SNX9: variants seen among roughly 807,000 people sequenced by gnomAD.
The protein encoded by SNX9 is sorting nexin 9.
In SNX9, 44 loss-of-function variants were observed where a neutral mutation model predicts 89.4. The observed-to-expected ratio is 0.49, with a 90% CI of 0.39 to 0.63. The LOEUF (loss-of-function observed/expected upper bound fraction) is 0.63. SNX9 is among the 30% of genes least tolerant of loss of function. The probability of loss-of-function intolerance (pLI) is 0.00; values close to 1 mark genes in which losing one functional copy is unlikely to be tolerated. For synonymous variants in SNX9, 236 were observed against 247.8 expected (o/e 0.95, Z 0.45); for missense variants, 578 against 736.1 (o/e 0.79, Z 2.49).
chr6:157,942,196 T>C (rs1386593409), intron 17 of SNX9, among the ~76,000 whole-genome samples: 1 of 152,186 alleles, frequency 6.6e-6, no homozygotes. Flanking sequence ...TTACTAAAAT[T>C]TGTGTATGTG....
chr6:157,942,814 C>T lies in SNX9; in HGVS notation c.1764C>T (p.Ala588=). The change falls in exon 18 of 18, where the codon GCC becomes GCT. Residue 588 remains alanine (A), a synonymous_variant. Coordinates refer to ENST00000392185, the MANE Select transcript of SNX9 (RefSeq NM_016224.5). The part of the protein sequence containing the change: ...YETIAEKLRQ[A]LSRFPVM ...AGATTGCAGAAAAGCTGAGGCAGGC[C>T]CTCAGCCGCTTTCCAGTGATGTAGG... is the stretch of plus-strand genomic sequence containing the variant. 1.2e-6 allele frequency: 2 copies of T among 1,613,790 alleles called. No individual in the cohort carries two copies. The highest frequency in any genetic ancestry group is 2.2e-5 in the East Asian group (1 of 44,856).
intron 3 of SNX9, chr6:157,874,500 C>T (rs1366983269): frequency 6.6e-6 from 1 of 152,166 alleles, no homozygotes; most frequent in Admixed American, 6.5e-5. Context: ...TATAAAACCC[C>T]CTCTATTAGA....
At chr6:157,921,245 A>G (rs1479853518) in intron 9 of SNX9, among the ~76,000 whole-genome samples, 1 of 152,242 alleles carries the variant, frequency 6.6e-6, no homozygotes, top group Non-Finnish European at 1.5e-5. Context: ...TACTTGAAGA[A>G]AGTAGCACCT....
At chr6:157,940,848 G>A in intron 16 of SNX9, 35 bp from the exon 17 acceptor site, 1 of 1,594,188 alleles carries the variant, frequency 6.3e-7, no homozygotes, top group Non-Finnish European at 8.6e-7. Context: ...GAAAACTTGA[G>A]GGAAAACTGA....
chr6:157,939,121 T>C (rs529078572), intron 16 of SNX9, among the ~76,000 whole-genome samples: 9 of 152,150 alleles, frequency 5.9e-5, no homozygotes, highest in African/African-American at 1.7e-4. Context: ...TGTGTCATTT[T>C]AGGCACAATT....
chr6:157,846,073 G>C (rs12206436), intron 1 of SNX9, among the ~76,000 whole-genome samples: 1 of 152,126 alleles, frequency 6.6e-6, no homozygotes, highest in African/African-American at 2.4e-5. Flanking sequence ...TGTCTCTTAC[G>C]GCCCTCCTGA....
chr6:157,850,712 T>C (rs1309544399), intron 1 of SNX9, among the ~76,000 whole-genome samples: 1 of 152,222 alleles, frequency 6.6e-6, no homozygotes, highest in East Asian at 1.9e-4. Flanking sequence ...CATCTGATAA[T>C]GCTTGGTGAC....
intron 4 of SNX9, among the ~76,000 whole-genome samples, chr6:157,894,106 C>CTTTTCTTTTCT (rs1484938597): frequency 2.0e-3 from 178 of 89,546 alleles, no homozygotes; most frequent in African/African-American, 7.7e-3. Context: ...CTTTTCTTTT[C>CTTTTCTTTTCT]TTTTTTTTTT....
At chr6:157,927,744 T>TG (rs1783724639) in intron 11 of SNX9, among the ~76,000 whole-genome samples, 1 of 124,746 alleles carries the variant, frequency 8.0e-6, no homozygotes, top group Non-Finnish European at 1.7e-5. Flanking sequence ...TTTTTTTTTT[T>TG]GAGACGGAGT....
At chr6:157,832,932 A>G (rs1781504009) in intron 1 of SNX9, among the ~76,000 whole-genome samples, 1 of 152,146 alleles carries the variant, frequency 6.6e-6, no homozygotes, top group African/African-American at 2.4e-5. Context: ...AAATACTTCC[A>G]TAGTACAGCT....
At chr6:157,936,151 C>A in intron 14 of SNX9, 111 bp downstream of exon 14, 1 of 730,398 alleles carries the variant, frequency 1.4e-6, no homozygotes, top group Non-Finnish European at 2.2e-6. Flanking sequence ...CTCTTCTTTT[C>A]TGTTTCTGTG....
chr6:157,909,799 C>G lies in SNX9; in HGVS notation c.831+9C>G. 6.2e-7 allele frequency: 1 copy of G among 1,613,658 alleles called. No homozygotes were observed. Among genetic ancestry groups the G allele is most frequent in the Non-Finnish European group, 8.5e-7 (1 of 1,179,822 alleles). ...ATCAGCTAACACCTACTGTAAGTAT[C>G]CACGTTATCAAAAGCAGAATCATGT... On this transcript the variant is annotated intron_variant, in intron 8 of 17. Transcript: ENST00000392185.
chr6:157,923,149 A>T (rs1274800187), intron 10 of SNX9, among the ~76,000 whole-genome samples: 1 of 152,188 alleles, frequency 6.6e-6, no homozygotes, highest in East Asian at 1.9e-4. Context: ...ACTTGGAGTC[A>T]GGGCCCTTGA....
intron 3 of SNX9, chr6:157,874,315 T>C (rs1003245266): frequency 2.0e-5 from 3 of 152,258 alleles, no homozygotes; most frequent in South Asian, 2.1e-4. Flanking sequence ...GTAGGTCTTA[T>C]GTTGAAGTCT....
At chr6:157,872,442 A>G (rs1782431314) in intron 2 of SNX9, 1 of 152,178 alleles carries the variant, frequency 6.6e-6, no homozygotes, top group South Asian at 2.1e-4. Context: ...CTGCTTAGGA[A>G]TCTACAAGTC....
At position 157,943,267 on chromosome 6, in the gene SNX9, C is replaced by T. The variant is rs1784079964; in HGVS notation, c.*429C>T. The stretch of plus-strand genomic sequence containing the variant: ...CTAATTACTTTCTTAAAAACATGAA[C>T]TATGCCAGAATAAAAAATATCTATG... On this transcript the variant is annotated 3_prime_UTR_variant, in exon 18 of 18. Coordinates refer to ENST00000392185, the MANE Select transcript of SNX9 (RefSeq NM_016224.5). The T allele has an allele frequency of 6.5e-6, 1 of 153,456 alleles. No homozygotes were observed. The highest frequency in any genetic ancestry group is 2.4e-5 in the African/African-American group (1 of 41,502). 9.5% of individuals were successfully genotyped at this position (153,456 alleles called of 1,614,324 possible). A position where few individuals can be genotyped will look rare whatever the true frequency, so the allele number is the denominator to read the frequency against.
chr6:157,870,629 TACCC>T (rs907314243), intron 2 of SNX9, among the ~76,000 whole-genome samples: 6 of 87,696 alleles, frequency 6.8e-5, no homozygotes, highest in African/African-American at 1.4e-4. Flanking sequence ...CCCTCACACA[TACCC>T]ACACTCTCCT....
intron 1 of SNX9, among the ~76,000 whole-genome samples, chr6:157,827,744 A>G (rs9365477): frequency 0.29 from 43,925 of 150,452 alleles, 7,608 homozygotes; most frequent in African/African-American, 0.49. Flanking sequence ...ATCCATATCT[A>G]TATAATTTAG....
At chr6:157,884,746 C>T in intron 4 of SNX9, among the ~76,000 whole-genome samples, 1 of 152,194 alleles carries the variant, frequency 6.6e-6, no homozygotes, top group East Asian at 1.9e-4. Context: ...TCCCTGACAT[C>T]TATGAGACAG....
Sources: gnomAD v4.1 joint callset for allele counts (sites outside exome capture counted in the v4.1 genomes callset) on GRCh38, gnomAD v4.1.1 for gene constraint, MANE v1.5 for transcripts, NCBI Gene and HGNC (gene_info 2026-07-23, HGNC 2026-07-21) for gene names.